Variants in CLVS1 observed in about 807,000 individuals in gnomAD.
CLVS1 encodes the protein clavesin-1.
A neutral mutation model predicts 33.1 loss-of-function variants in CLVS1; 10 were observed. That is an observed-to-expected ratio of 0.30 (90% CI 0.19 to 0.51). The LOEUF (loss-of-function observed/expected upper bound fraction) is 0.51. Ranked by LOEUF, CLVS1 falls within the 20% of genes least tolerant of loss-of-function variation. The pLI is 0.97. For synonymous variants in CLVS1, 163 were observed against 166.1 expected, an observed-to-expected ratio of 0.98 and a Z score of 0.14; for missense variants, 343 against 433.4, an observed-to-expected ratio of 0.79 and a Z score of 1.85.
chr8:61,448,701 C>A (rs1469995021), intron 3 of CLVS1, among the ~76,000 whole-genome samples: 2 of 148,054 alleles, frequency 1.4e-5, no homozygotes, highest in East Asian at 1.9e-4. Flanking sequence ...CATAGTGAGA[C>A]CCTCTCTCTC....
At chr8:61,255,472 G>A (rs567701967) in intron 2 of CLVS1, among the ~76,000 whole-genome samples, 3 of 152,276 alleles carry the variant, frequency 2.0e-5, no homozygotes, top group South Asian at 2.1e-4. Flanking sequence ...AGCAGAAGTC[G>A]AATTCTTGTC....
chr8:61,003,914 C>T, the CLVS1 span, among the ~76,000 whole-genome samples: 8 of 152,052 alleles, frequency 5.3e-5, no homozygotes, highest in Admixed American at 1.3e-4. Context: ...AAGATAAAGA[C>T]AAGGTAAGGG....
chr8:61,301,979 T>A (rs1810454424), intron 2 of CLVS1, among the ~76,000 whole-genome samples: 1 of 152,214 alleles, frequency 6.6e-6, no homozygotes, highest in African/African-American at 2.4e-5. Context: ...TTAACATTCT[T>A]ATGTTTCACG....
upstream of CLVS1, among the ~76,000 whole-genome samples, chr8:61,282,998 G>T (rs534138803): frequency 6.6e-6 from 1 of 152,304 alleles, no homozygotes; most frequent in East Asian, 1.9e-4. Flanking sequence ...CCATGATATA[G>T]TCTGGACAGG....
intron 3 of CLVS1, among the ~76,000 whole-genome samples, chr8:61,395,604 A>T (rs1354089286): frequency 6.6e-6 from 1 of 152,066 alleles, no homozygotes; most frequent in Non-Finnish European, 1.5e-5. Flanking sequence ...TTCATAACAA[A>T]TGAATAAAAA....
At chr8:61,051,548 G>C in the CLVS1 span, among the ~76,000 whole-genome samples, 1 of 152,168 alleles carries the variant, frequency 6.6e-6, no homozygotes, top group African/African-American at 2.4e-5. Context: ...TTGGGGTCCC[G>C]CCCACAGAGG....
the CLVS1 span, among the ~76,000 whole-genome samples, chr8:61,018,179 C>G: frequency 6.6e-6 from 1 of 152,124 alleles, no homozygotes; most frequent in Non-Finnish European, 1.5e-5. Context: ...TTTACTGAGT[C>G]AGGAGGGGTG....
chr8:61,485,366 A>G (rs1315326710), intron 5 of CLVS1, among the ~76,000 whole-genome samples: 1 of 152,262 alleles, frequency 6.6e-6, no homozygotes, highest in East Asian at 1.9e-4. Context: ...ACTGGCCATC[A>G]GAGAAATGCA....
intron 2 of CLVS1, among the ~76,000 whole-genome samples, chr8:61,327,179 T>C (rs1811416097): frequency 6.6e-6 from 1 of 152,196 alleles, no homozygotes; most frequent in Admixed American, 6.5e-5. Context: ...ATTTTTTCTC[T>C]TTAGTGAAAA....
rs368083266 is a variant in CLVS1, at chr8:61,467,304, A to G, written c.977+8762A>G. Among the ~76,000 whole-genome samples the G allele has an allele frequency of 9.4e-4, 143 of 152,292 alleles. 2 individuals carry two copies. The highest frequency in any genetic ancestry group is 3.2e-3 in the African/African-American group (133 of 41,562). On this transcript the variant is annotated intron_variant, in intron 5 of 5. Transcript: ENST00000325897. ...CCCTTGCAGCAGGTTAGATATCACA[A>G]TTGTTCTCAGACGCGTCCTTTCATT...
At chr8:61,222,264 T>C (rs1304106581) in intron 2 of CLVS1, among the ~76,000 whole-genome samples, 2 of 152,250 alleles carry the variant, frequency 1.3e-5, no homozygotes, top group African/African-American at 4.8e-5. Flanking sequence ...GTTTTTTTAA[T>C]TGTGATGTTA....
chr8:61,294,108 A>G (rs1292215255), intron 1 of CLVS1, among the ~76,000 whole-genome samples: 1 of 152,104 alleles, frequency 6.6e-6, no homozygotes, highest in Non-Finnish European at 1.5e-5. Context: ...CCCTTAAATG[A>G]TGTCCTTTAG....
At chr8:61,031,871 C>G in the CLVS1 span, among the ~76,000 whole-genome samples, 17 of 151,008 alleles carry the variant, frequency 1.1e-4, no homozygotes, top group African/African-American at 4.1e-4. Flanking sequence ...AAAAATGGGG[C>G]GGGGTGGGGG....
At chr8:61,028,878 T>C in the CLVS1 span, among the ~76,000 whole-genome samples, 4 of 152,242 alleles carry the variant, frequency 2.6e-5, no homozygotes, top group Non-Finnish European at 4.4e-5. Flanking sequence ...ATATTCTTAC[T>C]GTCTGCTGGA....
intron 2 of CLVS1, among the ~76,000 whole-genome samples, chr8:61,140,273 G>A (rs1047785998): frequency 5.9e-5 from 9 of 152,152 alleles, no homozygotes; most frequent in African/African-American, 1.7e-4. Context: ...AGTATTGATT[G>A]TTTCCTCTGG....
chr8:61,463,387 A>G (rs181686001), intron 5 of CLVS1, among the ~76,000 whole-genome samples: 210 of 152,252 alleles, frequency 1.4e-3, no homozygotes, highest in African/African-American at 4.6e-3. Flanking sequence ...TGCATTCACA[A>G]CTTGGTTAAC....
At chr8:61,211,414 C>T (rs1317251741) in intron 2 of CLVS1, among the ~76,000 whole-genome samples, 1 of 151,040 alleles carries the variant, frequency 6.6e-6, no homozygotes, top group African/African-American at 2.4e-5. Context: ...TCCTCCTCCC[C>T]CTACTCTTCC....
chr8:61,095,640 G>A (rs917615300), intron 1 of CLVS1, among the ~76,000 whole-genome samples: 2 of 152,158 alleles, frequency 1.3e-5, no homozygotes, highest in Non-Finnish European at 2.9e-5. Context: ...TGTATTTAGA[G>A]TTTTCCAGAA....
chr8:61,430,322 C>T (rs1563550028), intron 3 of CLVS1, among the ~76,000 whole-genome samples: 1 of 152,136 alleles, frequency 6.6e-6, no homozygotes. Context: ...TATGATTTAG[C>T]AAGCATTTTC....
Sources: gnomAD v4.1 joint callset for allele counts (sites outside exome capture counted in the v4.1 genomes callset) on GRCh38, gnomAD v4.1.1 for gene constraint, MANE v1.5 for transcripts, NCBI Gene and HGNC (gene_info 2026-07-23, HGNC 2026-07-21) for gene names.